The following DRC11 variants were observed in gnomAD, a reference collection of about 807,000 sequenced individuals.
DRC11 encodes the protein IQ and AAA domain-containing protein 1.
chr2:236,327,779 T>C, the DRC11 span, among the ~76,000 whole-genome samples: 1 of 151,966 alleles, frequency 6.6e-6, no homozygotes, highest in Non-Finnish European at 1.5e-5. Context: ...GCCTCCTGGG[T>C]TCAAGCAATT....
chr2:236,401,086 C>T, the DRC11 span, among the ~76,000 whole-genome samples: 940 of 152,212 alleles, frequency 6.2e-3, 10 homozygotes, highest in African/African-American at 0.022. This position sits in a 1 kb window ranked among gnomAD's most constrained non-coding sequence, Gnocchi z 4.6. Flanking sequence ...TGGGAGGCAC[C>T]GTTCCCCACA....
At chr2:236,374,168 GC>G in the DRC11 span, among the ~76,000 whole-genome samples, 1 of 152,222 alleles carries the variant, frequency 6.6e-6, no homozygotes, top group East Asian at 1.9e-4. Flanking sequence ...GTACTTTGGG[GC>G]TCAATGGGGA....
chr2:236,434,460 C>T, the DRC11 span, among the ~76,000 whole-genome samples: 1 of 152,122 alleles, frequency 6.6e-6, no homozygotes, highest in Admixed American at 6.6e-5. The surrounding 1 kb of genome is among the most constrained non-coding windows in gnomAD (Gnocchi z 5.5). Context: ...GTTCTAAGTA[C>T]CTCACGTGTA....
chr2:236,441,677 G>A, the DRC11 span, among the ~76,000 whole-genome samples: 1 of 152,074 alleles, frequency 6.6e-6, no homozygotes, highest in Non-Finnish European at 1.5e-5. Flanking sequence ...TTCAGAAGGG[G>A]TAGACAGATA....
At chr2:236,450,314 C>CTTTTTTTT in the DRC11 span, among the ~76,000 whole-genome samples, 17 of 82,378 alleles carry the variant, frequency 2.1e-4, no homozygotes, top group South Asian at 4.1e-4. Context: ...CTTTTCTTTT[C>CTTTTTTTT]TTTTTTTTTT....
At chr2:236,314,523 T>TA in the DRC11 span, among the ~76,000 whole-genome samples, 2 of 152,160 alleles carry the variant, frequency 1.3e-5, no homozygotes, top group African/African-American at 2.4e-5. The surrounding 1 kb of genome is among the most constrained non-coding windows in gnomAD (Gnocchi z 4.5). Context: ...AATAAAACTG[T>TA]AATTTTCCAA....
At chr2:236,391,828 A>T in the DRC11 span, 1 of 678,686 alleles carries the variant, frequency 1.5e-6, no homozygotes, top group Non-Finnish European at 2.6e-6. The surrounding 1 kb of genome is among the most constrained non-coding windows in gnomAD (Gnocchi z 4.5). Flanking sequence ...ATGGTGGACC[A>T]ATTAAATTTA....
the DRC11 span, chr2:236,377,276 C>A: frequency 1.4e-6 from 1 of 723,188 alleles, no homozygotes; most frequent in Non-Finnish European, 2.4e-6. The surrounding 1 kb of genome is among the most constrained non-coding windows in gnomAD (Gnocchi z 4.9). Context: ...AGAACTTAAA[C>A]CAGATCTATT....
chr2:236,466,322 C>T, the DRC11 span, among the ~76,000 whole-genome samples: 4 of 152,146 alleles, frequency 2.6e-5, no homozygotes, highest in African/African-American at 7.2e-5. Context: ...CTTCCCACAA[C>T]CTCTCGTTTT....
chr2:236,307,452 A>T, the DRC11 span, among the ~76,000 whole-genome samples: 1 of 152,156 alleles, frequency 6.6e-6, no homozygotes, highest in East Asian at 1.9e-4. The surrounding 1 kb of genome is among the most constrained non-coding windows in gnomAD (Gnocchi z 7.0). Context: ...ACTCCCTTTA[A>T]CATGCTATTT....
chr2:236,488,929 AGGTGAGGCCTGTGTGGGCTCCAGG>A, the DRC11 span, among the ~76,000 whole-genome samples: 1 of 150,870 alleles, frequency 6.6e-6, no homozygotes, highest in Admixed American at 6.6e-5. Context: ...CTCTGGGTGC[AGGTGAGGCCTGTGTGGGCTCCAGG>A]TACATGCTGG....
chr2:236,334,744 A>G, the DRC11 span, among the ~76,000 whole-genome samples: 1 of 152,196 alleles, frequency 6.6e-6, no homozygotes, highest in Non-Finnish European at 1.5e-5. The surrounding 1 kb of genome is among the most constrained non-coding windows in gnomAD (Gnocchi z 7.8). Flanking sequence ...GAATAATGTG[A>G]TGTGGGTGAG....
At chr2:236,358,162 G>T in the DRC11 span, among the ~76,000 whole-genome samples, 1 of 120,276 alleles carries the variant, frequency 8.3e-6, no homozygotes, top group Non-Finnish European at 1.6e-5. Context: ...TATACTATAT[G>T]AATATATAAT....
the DRC11 span, among the ~76,000 whole-genome samples, chr2:236,429,365 C>A: frequency 6.6e-6 from 1 of 152,224 alleles, no homozygotes; most frequent in Non-Finnish European, 1.5e-5. This position sits in a 1 kb window ranked among gnomAD's most constrained non-coding sequence, Gnocchi z 5.9. Flanking sequence ...CATCTGCATG[C>A]ATGGGCATCT....
At chr2:236,422,289 A>T in the DRC11 span, among the ~76,000 whole-genome samples, 2 of 152,186 alleles carry the variant, frequency 1.3e-5, no homozygotes, top group African/African-American at 4.8e-5. Flanking sequence ...AGATGACATG[A>T]TTGTATATCT....
the DRC11 span, among the ~76,000 whole-genome samples, chr2:236,416,719 A>ATTTTTATATATATATATATATATATATT: frequency 3.9e-4 from 24 of 60,844 alleles, no homozygotes; most frequent in Non-Finnish European, 6.2e-4. Flanking sequence ...ATATATATAT[A>ATTTTTATATATATATATATATATATATT]TTTATATATA....
At chr2:236,496,083 T>C in the DRC11 span, among the ~76,000 whole-genome samples, 9 of 152,364 alleles carry the variant, frequency 5.9e-5, no homozygotes, top group East Asian at 1.7e-3. This position sits in a 1 kb window ranked among gnomAD's most constrained non-coding sequence, Gnocchi z 6.3. Context: ...TTTAGGAATA[T>C]GATTTAATAA....
At chr2:236,314,674 G>T in the DRC11 span, among the ~76,000 whole-genome samples, 2 of 152,000 alleles carry the variant, frequency 1.3e-5, no homozygotes, top group South Asian at 4.2e-4. The surrounding 1 kb of genome is among the most constrained non-coding windows in gnomAD (Gnocchi z 4.5). Context: ...GCAACAAACA[G>T]GTATAAAGTA....
the DRC11 span, among the ~76,000 whole-genome samples, chr2:236,354,266 CGT>C: frequency 5.6e-4 from 84 of 150,380 alleles, no homozygotes; most frequent in Middle Eastern, 3.4e-3. Flanking sequence ...CACATGTGTG[CGT>C]GTGTGTGTAT....
Sources: allele counts gnomAD v4.1 joint callset (sites outside exome capture counted in the v4.1 genomes callset), GRCh38; gene constraint gnomAD v4.1.1; non-coding constraint Gnocchi (gnomAD v3.1); transcripts MANE v1.5; gene names NCBI Gene and HGNC (gene_info 2026-07-23, HGNC 2026-07-21).